CECR2: variants seen among roughly 807,000 people sequenced by gnomAD.
CECR2 encodes chromatin remodeling regulator CECR2.
CECR2 carries 30 observed loss-of-function variants against 154.5 expected under a neutral mutation model. The observed-to-expected ratio is 0.19, with a 90% confidence interval of 0.15 to 0.26. The LOEUF is 0.26. Ranked by LOEUF, CECR2 falls within the 10% of genes least tolerant of loss-of-function variation. The probability of loss-of-function intolerance (pLI) is 1.00; values close to 1 mark genes in which losing one functional copy is unlikely to be tolerated. For synonymous variants in CECR2, 725 were observed against 683.7 expected, an observed-to-expected ratio of 1.06 and a Z score of -0.94; for missense variants, 1,743 against 1,829.3, an observed-to-expected ratio of 0.95 and a Z score of 0.86.
intron 2 of CECR2, among the ~76,000 whole-genome samples, chr22:17,487,650 CCATGCA>C (rs2055446267): frequency 6.6e-6 from 1 of 152,100 alleles, no homozygotes; most frequent in African/African-American, 2.4e-5. Flanking sequence ...CGAGATCGCG[CCATGCA>C]CAAGCCTGGG....
chr22:17,432,939 CAGA>C (rs2054448769), intron 1 of CECR2, among the ~76,000 whole-genome samples: 2 of 152,298 alleles, frequency 1.3e-5, no homozygotes, highest in African/African-American at 4.8e-5. Context: ...TGATGACAGT[CAGA>C]TGCTTTATTG....
chr22:17,415,468 C>G (rs535296069), intron 1 of CECR2, among the ~76,000 whole-genome samples: 6 of 152,302 alleles, frequency 3.9e-5, no homozygotes, highest in African/African-American at 1.2e-4. Context: ...TCTCAAACTC[C>G]TGGGCTCAAG....
chr22:17,430,102 T>G (rs558076419), intron 1 of CECR2, among the ~76,000 whole-genome samples: 2 of 152,318 alleles, frequency 1.3e-5, no homozygotes, highest in South Asian at 2.1e-4. Flanking sequence ...AGATTTATAA[T>G]TGGTACATTG....
intron 9 of CECR2, among the ~76,000 whole-genome samples, 191 bp from the exon 10 acceptor site, chr22:17,536,912 T>C (rs575119629): frequency 6.6e-6 from 1 of 152,286 alleles, no homozygotes; most frequent in African/African-American, 2.4e-5. Flanking sequence ...TCAATTAGTT[T>C]ACCCTTGTCT....
chr22:17,480,419 T>TACACACATACACACAC (rs2015326312), intron 2 of CECR2, among the ~76,000 whole-genome samples: 1 of 137,340 alleles, frequency 7.3e-6, no homozygotes, highest in Admixed American at 7.6e-5. Context: ...TCATGTATAA[T>TACACACATACACACAC]ACACACACAC....
At chr22:17,545,266 T>C (rs967145214) in intron 16 of CECR2, among the ~76,000 whole-genome samples, 1 of 150,114 alleles carries the variant, frequency 6.7e-6, no homozygotes, top group East Asian at 2.0e-4. Context: ...GTTCAGCTAC[T>C]TGGGAGGCTG....
At chr22:17,378,622 A>G (rs567137685) in intron 1 of CECR2, among the ~76,000 whole-genome samples, 5 of 152,262 alleles carry the variant, frequency 3.3e-5, no homozygotes, top group African/African-American at 1.2e-4. Flanking sequence ...GTTGGCCTCT[A>G]TGCTCCAGGT....
intron 1 of CECR2, among the ~76,000 whole-genome samples, chr22:17,393,888 ATTT>A (rs71200270): frequency 2.1e-3 from 275 of 134,018 alleles, no homozygotes; most frequent in African/African-American, 7.3e-3. Flanking sequence ...TTTTTTATTC[ATTT>A]TTTTTTTTTT....
At chr22:17,459,396 A>G (rs931992357) in intron 1 of CECR2, among the ~76,000 whole-genome samples, 2 of 152,122 alleles carry the variant, frequency 1.3e-5, no homozygotes, top group East Asian at 1.9e-4. Flanking sequence ...GGTTCAAGCT[A>G]TCCTCCCATC....
At chr22:17,382,053 AAT>A (rs1491090987) in intron 1 of CECR2, among the ~76,000 whole-genome samples, 291 of 69,340 alleles carry the variant, frequency 4.2e-3, no homozygotes, top group African/African-American at 0.012. Context: ...ACGCCCTGCT[AAT>A]TTTTTTTTTT....
intron 9 of CECR2, 139 bp from the exon 10 acceptor site, chr22:17,536,964 A>AG: frequency 4.6e-6 from 4 of 870,656 alleles, no homozygotes; most frequent in Non-Finnish European, 6.9e-6. Flanking sequence ...TACCAAAAAG[A>AG]GGGTGGCACA....
At chr22:17,474,335 T>G (rs990731348) in intron 1 of CECR2, among the ~76,000 whole-genome samples, 2 of 152,208 alleles carry the variant, frequency 1.3e-5, no homozygotes, top group Non-Finnish European at 2.9e-5. Context: ...CTTCATGAGT[T>G]AGTTACTATA....
At chr22:17,417,914 C>T (rs2054179208) in intron 1 of CECR2, among the ~76,000 whole-genome samples, 1 of 152,018 alleles carries the variant, frequency 6.6e-6, no homozygotes, top group South Asian at 2.1e-4. Context: ...AGTCACTGTG[C>T]CCGGCCCTCA....
intron 1 of CECR2, chr22:17,428,320 G>A (rs1298864417): frequency 2.6e-5 from 4 of 152,152 alleles, no homozygotes; most frequent in Non-Finnish European, 5.9e-5. Context: ...TGAGATGTGA[G>A]CAGACATTGA....
At chr22:17,429,580 G>A (rs1445718840) in intron 1 of CECR2, among the ~76,000 whole-genome samples, 5 of 144,570 alleles carry the variant, frequency 3.5e-5, no homozygotes, top group South Asian at 4.4e-4. Context: ...AGAAAAAAGA[G>A]ATCTCACAGG....
intron 1 of CECR2, among the ~76,000 whole-genome samples, chr22:17,448,125 C>T (rs1054013284): frequency 1.6e-4 from 25 of 152,166 alleles, no homozygotes; most frequent in Non-Finnish European, 3.2e-4. Flanking sequence ...CCGGTAACGT[C>T]TGTATTTTAA....
chr22:17,446,533 C>T (rs112579595), intron 1 of CECR2, among the ~76,000 whole-genome samples: 6,648 of 152,068 alleles, frequency 0.044, 240 homozygotes, highest in South Asian at 0.13. Flanking sequence ...CTGGCTAACA[C>T]GGTGAAACCC....
At chr22:17,422,625 C>T (rs537777964) in intron 1 of CECR2, among the ~76,000 whole-genome samples, 2 of 151,968 alleles carry the variant, frequency 1.3e-5, no homozygotes, top group East Asian at 1.9e-4. Context: ...CCTTTCTTCT[C>T]CTCTTGGTAC....
intron 6 of CECR2, 149 bp from the exon 7 acceptor site, chr22:17,504,698 C>T (rs914701464): frequency 1.7e-6 from 1 of 579,052 alleles, no homozygotes; most frequent in Non-Finnish European, 3.0e-6. Flanking sequence ...GCCTCGGCCT[C>T]CCAAAGTGCT....
Sources: gnomAD v4.1 joint callset for allele counts (sites outside exome capture counted in the v4.1 genomes callset) on GRCh38, gnomAD v4.1.1 for gene constraint, MANE v1.5 for transcripts, NCBI Gene and HGNC (gene_info 2026-07-23, HGNC 2026-07-21) for gene names.